FAT3: variants seen among roughly 807,000 people sequenced by gnomAD.
FAT3 encodes the protein protocadherin Fat 3.
In FAT3, 95 loss-of-function variants were observed where a neutral mutation model predicts 310.2. The observed-to-expected ratio is 0.31, with a 90% confidence interval of 0.26 to 0.36. The LOEUF (loss-of-function observed/expected upper bound fraction) is 0.36, where lower values mean the gene tolerates loss of function less well. FAT3 is among the 10% of genes least tolerant of loss of function. The pLI, the probability that FAT3 is intolerant of heterozygous loss-of-function variation, is 1.00. For missense variants in FAT3, 5,408 were observed against 5,715.6 expected, an observed-to-expected ratio of 0.95 and a Z score of 1.74; for synonymous variants, 2,314 against 2,192.9, an observed-to-expected ratio of 1.06 and a Z score of -1.54.
intron 4 of FAT3, among the ~76,000 whole-genome samples, chr11:92,699,523 C>A (rs1337848931): frequency 6.6e-6 from 1 of 152,058 alleles, no homozygotes; most frequent in African/African-American, 2.4e-5. Context: ...GCTTGGGATT[C>A]GAAATGTTTA....
chr11:92,528,802 C>T (rs11019982), intron 3 of FAT3, among the ~76,000 whole-genome samples: 15,230 of 152,114 alleles, frequency 0.1, 1,033 homozygotes, highest in African/African-American at 0.19. Context: ...ATGTTTACAC[C>T]ATGGAAACCC....
chr11:92,627,644 G>A (rs1941386208), intron 3 of FAT3, among the ~76,000 whole-genome samples: 1 of 152,114 alleles, frequency 6.6e-6, no homozygotes, highest in Admixed American at 6.6e-5. Flanking sequence ...TGAGAGCCAG[G>A]GAAAGACAGT....
intron 3 of FAT3, among the ~76,000 whole-genome samples, chr11:92,696,871 G>A (rs1474238136): frequency 1.1e-5 from 1 of 87,952 alleles, no homozygotes; most frequent in Non-Finnish European, 3.1e-5. Flanking sequence ...AATCTTTTGT[G>A]TGTAAGTTAT....
intron 1 of FAT3, among the ~76,000 whole-genome samples, chr11:92,271,168 C>T (rs1276145608): frequency 1.3e-5 from 2 of 152,078 alleles, no homozygotes; most frequent in African/African-American, 2.4e-5. Flanking sequence ...TGTGCCATAA[C>T]ACCTTCCAGG....
intron 1 of FAT3, among the ~76,000 whole-genome samples, chr11:92,260,785 T>C (rs1214129670): frequency 6.6e-6 from 1 of 152,106 alleles, no homozygotes; most frequent in Non-Finnish European, 1.5e-5. Flanking sequence ...GTAGCCGGCC[T>C]CTCTTTAATA....
At chr11:92,516,056 G>A (rs1384050810) in intron 2 of FAT3, among the ~76,000 whole-genome samples, 3 of 151,970 alleles carry the variant, frequency 2.0e-5, no homozygotes, top group Non-Finnish European at 4.4e-5. Flanking sequence ...TTCTACCAAA[G>A]GTACAAAGAG....
rs761256301 is a variant in FAT3 at position 92,662,761 on chromosome 11, A to G, written c.3608-34623A>G. On this transcript the variant is annotated intron_variant, in intron 3 of 27. Transcript: ENST00000525166. ...ATCTTTGCAATTTTGTCAGCTCACT[A>G]AGTCATTTGTCATGTTTCATCACAT... Among the ~76,000 whole-genome samples the G allele has an allele frequency of 5.3e-5, 8 of 152,310 alleles. No individual in the cohort carries two copies. In the South Asian group the frequency reaches 1.4e-3, roughly 28 times the overall value.
intron 3 of FAT3, among the ~76,000 whole-genome samples, chr11:92,551,601 A>G (rs189514433): frequency 2.1e-3 from 313 of 152,238 alleles, no homozygotes; most frequent in Admixed American, 3.9e-3. Context: ...ACAATTCTGT[A>G]TTATCTTAAA....
chr11:92,829,865 A>G (rs1042806575), intron 13 of FAT3, among the ~76,000 whole-genome samples: 6 of 152,204 alleles, frequency 3.9e-5, no homozygotes, highest in Non-Finnish European at 1.5e-5. Flanking sequence ...TTAAAGCCAC[A>G]TAATGCAATT....
At chr11:92,859,904 A>G (rs936944544) in intron 21 of FAT3, among the ~76,000 whole-genome samples, 20 of 152,278 alleles carry the variant, frequency 1.3e-4, no homozygotes, top group Middle Eastern at 3.4e-3. Flanking sequence ...GAAAACAACA[A>G]TAATAATGGT....
rs1357160473 is a variant in FAT3 at position 92,866,934 on chromosome 11, G to T, written c.11852G>T (p.Ser3951Ile). 3.7e-6 allele frequency: 6 copies of T among 1,613,852 alleles called. No homozygotes were observed. Among genetic ancestry groups the T allele is most frequent in the Non-Finnish European group, 5.1e-6 (6 of 1,179,854 alleles). The change falls in exon 22 of 28, where the codon AGC (serine) becomes ATC (isoleucine). Residue 3951 changes from serine to isoleucine, a missense_variant. Physicochemically the swap from Ser to Ile is moderately radical, Grantham distance 142. This residue lies in a region of FAT3 where 4,588 missense variants were observed against 4,809.8 expected (regional missense o/e 0.95). Transcript: ENST00000525166. ...GCGCCCCTCTACTTCCAGACGCTGA[G>T]CACTGAGAGTAGCATCTACTTCGGC... Reference protein sequence around the residue: ...RRAPLYFQTLSTESSIYFGAL... With the variant: ...RRAPLYFQTLITESSIYFGAL...
At chr11:92,414,978 C>A (rs1257289721) in intron 2 of FAT3, among the ~76,000 whole-genome samples, 1 of 148,974 alleles carries the variant, frequency 6.7e-6, no homozygotes, top group Non-Finnish European at 1.5e-5. Flanking sequence ...CCACTGCACT[C>A]CAGGCTGGGC....
At chr11:92,416,563 C>T (rs545903413) in intron 2 of FAT3, among the ~76,000 whole-genome samples, 2 of 152,206 alleles carry the variant, frequency 1.3e-5, no homozygotes, top group East Asian at 3.9e-4. Flanking sequence ...TTTTCTTAAG[C>T]GCATCTAAGA....
intron 6 of FAT3, among the ~76,000 whole-genome samples, chr11:92,772,506 C>G (rs1383662119): frequency 6.6e-6 from 1 of 152,020 alleles, no homozygotes; most frequent in Non-Finnish European, 1.5e-5. Context: ...TCAGCCTAGA[C>G]TCCCCCCTCT....
At chr11:92,447,821 A>G (rs555018836) in intron 2 of FAT3, among the ~76,000 whole-genome samples, 1 of 152,076 alleles carries the variant, frequency 6.6e-6, no homozygotes, top group African/African-American at 2.4e-5. Context: ...TAATCTTGTG[A>G]GCAGTAGGAG....
chr11:92,506,752 G>A (rs915813667), intron 2 of FAT3, among the ~76,000 whole-genome samples: 2 of 152,124 alleles, frequency 1.3e-5, no homozygotes, highest in Admixed American at 1.3e-4. Flanking sequence ...CCGGCTTGAA[G>A]AAACTGCATA....
chr11:92,757,853 G>C (rs1046781620), intron 4 of FAT3, among the ~76,000 whole-genome samples: 1 of 152,154 alleles, frequency 6.6e-6, no homozygotes, highest in Non-Finnish European at 1.5e-5. Flanking sequence ...TCAGGAGACT[G>C]GATGAATGTC....
At chr11:92,644,086 C>T (rs2135736314) in intron 3 of FAT3, among the ~76,000 whole-genome samples, 1 of 152,332 alleles carries the variant, frequency 6.6e-6, no homozygotes, top group South Asian at 2.1e-4. Context: ...CCTGCGAGGG[C>T]AGCCCAGGGC....
chr11:92,885,155 A>G (rs1446177626), intron 24 of FAT3, among the ~76,000 whole-genome samples: 1 of 152,232 alleles, frequency 6.6e-6, no homozygotes, highest in Non-Finnish European at 1.5e-5. Flanking sequence ...TAGAGCCATC[A>G]AGGCAGAAGC....
Sources: gnomAD v4.1 joint callset for allele counts (sites outside exome capture counted in the v4.1 genomes callset) on GRCh38, gnomAD v4.1.1 for gene constraint, gnomAD v4.1.1 regional missense constraint, MANE v1.5 for transcripts, NCBI Gene and HGNC (gene_info 2026-07-23, HGNC 2026-07-21) for gene names.